The following THUMPD2 variants were observed in gnomAD, a reference collection of about 807,000 sequenced individuals.
The protein encoded by THUMPD2 is U6 snRNA (guanine-N(2))-methyltransferase THUMPD2.
Under a neutral mutation model 49.4 loss-of-function variants are expected in THUMPD2, and 56 were observed. The ratio of observed to expected loss-of-function variants is 1.13; its 90% CI spans 0.91 to 1.41. The LOEUF is 1.41. THUMPD2 is among the 40% of genes most tolerant of loss of function. The pLI is 0.00. For missense variants in THUMPD2, 709 were observed against 594.5 expected (o/e 1.19, Z -2.00); for synonymous variants, 237 against 205.2 (o/e 1.15, Z -1.32).
At chr2:39,754,512 C>T (rs982620696) in intron 8 of THUMPD2, among the ~76,000 whole-genome samples, 6 of 152,164 alleles carry the variant, frequency 3.9e-5, no homozygotes, top group Non-Finnish European at 7.3e-5. Flanking sequence ...AGGTCTGATA[C>T]TGGGACCTAT....
chr2:39,779,041 C>G (rs1216596287), intron 1 of THUMPD2, 73 bp downstream of exon 1: 1 of 1,363,344 alleles, frequency 7.3e-7, no homozygotes, highest in Non-Finnish European at 9.4e-7. Flanking sequence ...TTTCCCGCGT[C>G]CACGACTGGG....
intron 1 of THUMPD2, among the ~76,000 whole-genome samples, chr2:39,775,039 G>C (rs1678884055): frequency 6.6e-6 from 1 of 152,116 alleles, no homozygotes; most frequent in African/African-American, 2.4e-5. Flanking sequence ...CAGTGCTTTG[G>C]GAGGCCAAAG....
intron 1 of THUMPD2, among the ~76,000 whole-genome samples, chr2:39,777,790 A>G (rs1042830206): frequency 6.6e-5 from 10 of 152,180 alleles, no homozygotes; most frequent in African/African-American, 1.9e-4. Flanking sequence ...ATTTAATTGA[A>G]TTTTCTTCCT....
intron 9 of THUMPD2, among the ~76,000 whole-genome samples, chr2:39,738,185 A>G (rs2148147728): frequency 6.6e-6 from 1 of 152,300 alleles, no homozygotes; most frequent in South Asian, 2.1e-4. Flanking sequence ...CATGAAGTAG[A>G]CATCCTCAGA....
At chr2:39,756,039 T>A in intron 6 of THUMPD2, 79 bp from the exon 7 acceptor site, 1 of 1,284,834 alleles carries the variant, frequency 7.8e-7, no homozygotes. Flanking sequence ...ACTTGAGGAA[T>A]CAATATTTCA....
chr2:39,741,997 T>G (rs770417940), intron 9 of THUMPD2, among the ~76,000 whole-genome samples: 13 of 152,168 alleles, frequency 8.5e-5, no homozygotes, highest in Non-Finnish European at 1.6e-4. Context: ...AGCACTGTTG[T>G]AAGAGCTTTA....
intron 9 of THUMPD2, among the ~76,000 whole-genome samples, chr2:39,742,201 C>T (rs1426726618): frequency 6.6e-6 from 1 of 152,002 alleles, no homozygotes; most frequent in Non-Finnish European, 1.5e-5. Context: ...ATAAAAAAAA[C>T]AAAAACAAAA....
At chr2:39,748,867 A>G (rs1674994155) in intron 8 of THUMPD2, among the ~76,000 whole-genome samples, 1 of 152,014 alleles carries the variant, frequency 6.6e-6, no homozygotes, top group African/African-American at 2.4e-5. Flanking sequence ...CTACAGTCCT[A>G]GCTACTTGGG....
At chr2:39,768,987 T>A (rs1247798302) in intron 3 of THUMPD2, 1 of 1,303,150 alleles carries the variant, frequency 7.7e-7, no homozygotes, top group Non-Finnish European at 1.0e-6. Context: ...GGCCAACTGA[T>A]GAGGTCTGGT....
At chr2:39,745,609 C>T (rs895863738) in intron 8 of THUMPD2, among the ~76,000 whole-genome samples, 9 of 152,124 alleles carry the variant, frequency 5.9e-5, no homozygotes, top group African/African-American at 2.2e-4. Flanking sequence ...TGAATTTAAT[C>T]CCAAGTCTTT....
Position 39,755,351 on chromosome 2 carries a change from T to C in THUMPD2, c.1022A>G (p.Asn341Ser). The change falls in exon 8 of 10, where the codon AAT (asparagine) becomes AGT (serine). Residue 341 changes from asparagine (N) to serine (S), a missense_variant. Physicochemically the swap from Asn to Ser is conservative, Grantham distance 46 (BLOSUM62 1). Transcript: ENST00000505747. Reference sequence around the variant, plus strand: ...ATCCTCAAGGCCTGCAGCTTTCAGATTGTCCCAAGTACCTAGTAACTGTGA... The same window carrying C: ...ATCCTCAAGGCCTGCAGCTTTCAGACTGTCCCAAGTACCTAGTAACTGTGA... The part of the protein sequence containing the change: ...SDSQLLGTWD[N>S]LKAAGLEDKI... 6.4e-7 allele frequency: 1 copy of C among 1,550,560 alleles called. No homozygotes were observed. The highest frequency in any genetic ancestry group is 8.6e-7 in the Non-Finnish European group (1 of 1,159,462).
At chr2:39,744,534 AAAT>A (rs1674317945) in intron 8 of THUMPD2, 56 bp from the exon 9 acceptor site, 1 of 1,117,546 alleles carries the variant, frequency 8.9e-7, no homozygotes, top group Non-Finnish European at 1.3e-6. Context: ...TTTACAACTT[AAAT>A]AATGAGAAAA....
chr2:39,751,005 T>C (rs1216708629), intron 8 of THUMPD2, among the ~76,000 whole-genome samples: 1 of 152,222 alleles, frequency 6.6e-6, no homozygotes, highest in Admixed American at 6.5e-5. Context: ...ATAAAATAAA[T>C]GATAAAGCTT....
intron 1 of THUMPD2, among the ~76,000 whole-genome samples, chr2:39,773,371 T>C (rs182243587): frequency 2.0e-5 from 3 of 151,920 alleles, no homozygotes; most frequent in Non-Finnish European, 4.4e-5. Context: ...TTTCAAATTC[T>C]GTAAACAAGT....
intron 7 of THUMPD2, 88 bp from the exon 8 acceptor site, chr2:39,755,497 C>A: frequency 1.2e-6 from 1 of 840,202 alleles, no homozygotes; most frequent in African/African-American, 1.8e-5. Flanking sequence ...TCTCAAATGA[C>A]AAGTGAAATT....
chr2:39,744,904 C>T (rs930491038), intron 8 of THUMPD2, among the ~76,000 whole-genome samples: 1 of 152,100 alleles, frequency 6.6e-6, no homozygotes, highest in African/African-American at 2.4e-5. Flanking sequence ...CCATAGCTAT[C>T]ATTGTATTTT....
intron 3 of THUMPD2, chr2:39,768,708 C>G (rs1232990243): frequency 1.5e-6 from 1 of 669,136 alleles, no homozygotes; most frequent in African/African-American, 1.8e-5. Context: ...CCCAGTACAC[C>G]CCATGGCATT....
intron 2 of THUMPD2, among the ~76,000 whole-genome samples, 155 bp from the exon 3 acceptor site, chr2:39,770,274 A>G (rs533839166): frequency 6.6e-6 from 1 of 152,290 alleles, no homozygotes; most frequent in Non-Finnish European, 1.5e-5. Flanking sequence ...TTCATATTCC[A>G]TTTACCATAA....
chr2:39,778,069 T>G (rs1679350992), intron 1 of THUMPD2, among the ~76,000 whole-genome samples: 1 of 152,220 alleles, frequency 6.6e-6, no homozygotes, highest in African/African-American at 2.4e-5. Context: ...TCTAGTTGCA[T>G]GACTTGAATA....
Sources: allele counts gnomAD v4.1 joint callset (sites outside exome capture counted in the v4.1 genomes callset), GRCh38; gene constraint gnomAD v4.1.1; transcripts MANE v1.5; gene names NCBI Gene and HGNC (gene_info 2026-07-23, HGNC 2026-07-21).